Variants in TRPM5 observed in about 807,000 individuals in gnomAD.
TRPM5 encodes transient receptor potential cation channel subfamily M member 5, also known as MLSN1 and TRP-related.
A neutral mutation model predicts 124.9 loss-of-function variants in TRPM5; 121 were observed. The ratio of observed to expected loss-of-function variants is 0.97; its 90% CI spans 0.84 to 1.13. TRPM5 has a LOEUF of 1.13. Ranked by LOEUF, TRPM5 falls within the 50% of genes most tolerant of loss-of-function variation. The pLI is 0.00. For synonymous variants in TRPM5, 781 were observed against 700.5 expected, an observed-to-expected ratio of 1.11 and a Z score of -1.81; for missense variants, 1,643 against 1,589.1, an observed-to-expected ratio of 1.03 and a Z score of -0.58.
At position 2,415,960 on chromosome 11, in the gene TRPM5, C is replaced by T; in HGVS notation, c.1074G>A (p.Trp358Ter). ...CACTCTTGGCGATGTCCACGCGGTCCCAGGCCACGGCCAGCTTGAGCTCAT... is the reference window on the plus strand; with the variant it reads ...CACTCTTGGCGATGTCCACGCGGTCTCAGGCCACGGCCAGCTTGAGCTCAT... Residue 358 changes from tryptophan to a stop codon, truncating the protein, a stop_gained, in exon 8 of 24, where the codon TGG becomes TGA. Coordinates refer to ENST00000155858, the Ensembl canonical transcript of TRPM5. LOFTEE classifies it high-confidence loss of function. 1.3e-6 allele frequency: 2 copies of T among 1,582,172 alleles called. No homozygotes were observed. The highest frequency in any genetic ancestry group is 1.8e-5 in the Admixed American group (1 of 55,070).
At chr11:2,418,703 A>G (rs1373779531) in intron 4 of TRPM5, 112 bp from the exon 10 acceptor site, 1 of 1,111,612 alleles carries the variant, frequency 9.0e-7, no homozygotes, top group African/African-American at 1.6e-5. Flanking sequence ...CTTCCGAATA[A>G]AGTGTGGGCT....
exon 13 of TRPM5, chr11:2,413,537 G>T: frequency 6.2e-7 from 1 of 1,612,588 alleles, no homozygotes; most frequent in Non-Finnish European, 8.5e-7. Context: ...AGCAGCCGCA[G>T]GATGGGCGTG....
At chr11:2,421,125 C>A in exon 3 of TRPM5, 1 of 1,542,976 alleles carries the variant, frequency 6.5e-7, no homozygotes, top group East Asian at 2.5e-5. Context: ...TGCTGGCCAG[C>A]GAGTGGTCGC....
At chr11:2,417,478 C>T (rs1430436806) in intron 7 of TRPM5, among the ~76,000 whole-genome samples, 1 of 152,092 alleles carries the variant, frequency 6.6e-6, no homozygotes, top group Non-Finnish European at 1.5e-5. Context: ...CCAAAACAAA[C>T]AAAAAACAAC....
At chr11:2,405,445 A>C in intron 23 of TRPM5, 82 bp downstream of exon 28, 1 of 1,404,386 alleles carries the variant, frequency 7.1e-7, no homozygotes, top group Non-Finnish European at 9.8e-7. Context: ...GGCAGAGCAC[A>C]CAGCACAGCC....
chr11:2,419,741 T>A (rs2133530906), intron 4 of TRPM5, among the ~76,000 whole-genome samples: 1 of 152,370 alleles, frequency 6.6e-6, no homozygotes, highest in African/African-American at 2.4e-5. Context: ...TGTTTATGAA[T>A]ATTATTTACA....
intron 1 of TRPM5, 150 bp from the exon 7 acceptor site, chr11:2,422,471 T>A (rs1589876416): frequency 7.4e-6 from 2 of 271,346 alleles, no homozygotes; most frequent in Non-Finnish European, 1.3e-5. Context: ...TCAAGGGGGC[T>A]GGACACAGGG....
At position 2,421,986 on chromosome 11, in the gene TRPM5, G is replaced by T. The variant is rs539860134; in HGVS notation, c.298+155C>A. Among the ~76,000 whole-genome samples the T allele has an allele frequency of 4.6e-5, 7 of 151,710 alleles. No homozygotes were observed. In the East Asian group the frequency reaches 5.8e-4, roughly 13 times the overall value. On this transcript the variant is annotated intron_variant, in intron 2 of 23. Transcript: ENST00000155858. ...AGTCAGGGGGTCTGGCTGCCGTGTG[G>T]GGTGGGAGCATTGCCTGTGCCGGGT...
At chr11:2,411,562 G>A (rs1352667848) in intron 17 of TRPM5, 36 bp from the exon 23 acceptor site, 4 of 1,607,694 alleles carry the variant, frequency 2.5e-6, no homozygotes, top group African/African-American at 1.3e-5. Context: ...GGACGTCAGC[G>A]GCCAGCCGGG....
Position 2,422,179 on chromosome 11 carries a change from ACATCCCGCAGC to A in TRPM5, c.249_259del (p.Trp83CysfsTer78), listed in dbSNP as rs1413778692. Reference sequence around the variant, plus strand: ...CGCCTTCACCAGCCCCTTGCGCAGCACATCCCGCAGCCAGGACTTCATGGCGAAAGGCTGCT... The same window carrying A: ...CGCCTTCACCAGCCCCTTGCGCAGCACAGGACTTCATGGCGAAAGGCTGCT... On this transcript the variant is annotated frameshift_variant, in exon 2 of 24. Transcript: ENST00000155858. LOFTEE classifies it high-confidence loss of function. The A allele has an allele frequency of 6.2e-7, 1 of 1,611,962 alleles. No homozygotes were observed. Among genetic ancestry groups the A allele is most frequent in the Admixed American group, 1.7e-5 (1 of 59,968 alleles).
the TRPM5 span, among the ~76,000 whole-genome samples, chr11:2,436,414 C>T: frequency 1.3e-5 from 2 of 152,230 alleles, no homozygotes; most frequent in Non-Finnish European, 2.9e-5. Context: ...GCTGCCCACC[C>T]CCATTTGCCC....
intron 22 of TRPM5, 35 bp from the exon 28 acceptor site, chr11:2,405,628 GCT>G (rs746407329): frequency 1.9e-6 from 3 of 1,550,142 alleles, no homozygotes; most frequent in Non-Finnish European, 2.6e-6. Context: ...AAGCTCCAGG[GCT>G]CTCTCAGGAC....
exon 9 of TRPM5, chr11:2,415,229 C>T (rs1316355664): frequency 1.3e-6 from 2 of 1,574,368 alleles, no homozygotes; most frequent in South Asian, 1.1e-5. Flanking sequence ...AGGCCGGTGG[C>T]CCCGCGGGTG....
At chr11:2,414,537 G>A (rs1271572739) in intron 11 of TRPM5, among the ~76,000 whole-genome samples, 178 bp downstream of exon 16, 1 of 152,194 alleles carries the variant, frequency 6.6e-6, no homozygotes, top group Non-Finnish European at 1.5e-5. Context: ...CTCAGGGTCT[G>A]GGGCCGCCTC....
In TRPM5 at chr11:2,421,012, G is replaced by T. The variant is rs1056741067; in HGVS notation, c.465+20C>A. On this transcript the variant is annotated intron_variant, in intron 3 of 23. Transcript: ENST00000155858. ...CCTCCAGGCCCCCAGCGGTCGTGGT[G>T]CTGGGAGCTGGACGTGCACCTGGGC... is the stretch of plus-strand genomic sequence containing the variant. The T allele has an allele frequency of 1.3e-6, 2 of 1,528,680 alleles. No individual in the cohort carries two copies. Among genetic ancestry groups the T allele is most frequent in the Non-Finnish European group, 1.8e-6 (2 of 1,141,472 alleles). The allele number at this position is 1,528,680 out of a possible 1,614,324, so 94.7% of individuals were successfully genotyped here.
chr11:2,443,761 C>T, the TRPM5 span, among the ~76,000 whole-genome samples: 6 of 152,222 alleles, frequency 3.9e-5, no homozygotes, highest in Non-Finnish European at 8.8e-5. The surrounding 1 kb of genome is among the most constrained non-coding windows in gnomAD (Gnocchi z 5.0). Context: ...ACCTTTAGTC[C>T]CTGCCTCAGG....
the TRPM5 span, among the ~76,000 whole-genome samples, chr11:2,440,203 G>A: frequency 1.3e-5 from 2 of 152,172 alleles, no homozygotes; most frequent in African/African-American, 2.4e-5. This position sits in a 1 kb window ranked among gnomAD's most constrained non-coding sequence, Gnocchi z 5.2. Context: ...GGGAGCAAGC[G>A]TTGAAAAACT....
chr11:2,428,873 G>GTGAT, the TRPM5 span, among the ~76,000 whole-genome samples: 1 of 151,168 alleles, frequency 6.6e-6, no homozygotes, highest in Admixed American at 6.6e-5. The surrounding 1 kb of genome is among the most constrained non-coding windows in gnomAD (Gnocchi z 4.0). Flanking sequence ...GGTGGTGGTA[G>GTGAT]TGATGGTGGT....
intron 1 of TRPM5, among the ~76,000 whole-genome samples, chr11:2,422,673 C>T (rs1845789351): frequency 6.6e-6 from 1 of 151,468 alleles, no homozygotes; most frequent in Admixed American, 6.6e-5. Context: ...ATGCACTTGA[C>T]CTTGCACCTC....
Sources: gnomAD v4.1 joint callset for allele counts (sites outside exome capture counted in the v4.1 genomes callset) on GRCh38, gnomAD v4.1.1 for gene constraint, Gnocchi (gnomAD v3.1) non-coding constraint, MANE v1.5 for transcripts, NCBI Gene and HGNC (gene_info 2026-07-23, HGNC 2026-07-21) for gene names.